Variants in YES1 observed in about 807,000 individuals in gnomAD.
YES1 encodes the protein YES proto-oncogene 1, Src family tyrosine kinase, also known as tyrosine-protein kinase Yes.
Under a neutral mutation model 70.4 loss-of-function variants are expected in YES1, and 39 were observed. That is an observed-to-expected ratio of 0.55 (90% CI 0.43 to 0.72). The LOEUF (loss-of-function observed/expected upper bound fraction) is 0.72. Ranked by LOEUF, YES1 falls within the 30% of genes least tolerant of loss-of-function variation. YES1 has a pLI of 0.00. For missense variants in YES1, 495 were observed against 644.8 expected, an observed-to-expected ratio of 0.77 and a Z score of 2.52; for synonymous variants, 198 against 218.6, an observed-to-expected ratio of 0.91 and a Z score of 0.83.
rs370796909 is a variant in YES1 at position 724,580 on chromosome 18, C to G, written c.1476G>C (p.Pro492=). Residue 492 remains proline, a synonymous_variant, in exon 12 of 12, where the codon CCG becomes CCC. Coordinates refer to ENST00000314574, the MANE Select transcript of YES1 (RefSeq NM_005433.4). The part of the protein sequence containing the change: ...LEQVERGYRM[P]CPQGCPESLH... The stretch of plus-strand genomic sequence containing the variant: ...GGGATTCTGGACAGCCCTGAGGGCA[C>G]GGCATCCTGTATCCTCGCTCCACTT... 1 of 1,614,136 alleles carries G rather than the reference C, an allele frequency of 6.2e-7. No homozygotes were observed.
chr18:752,353 G>A (rs2080353782), intron 2 of YES1, among the ~76,000 whole-genome samples: 2 of 152,054 alleles, frequency 1.3e-5, no homozygotes, highest in Admixed American at 6.6e-5. Context: ...CAAGTGATTC[G>A]CCTGCCTTGA....
intron 1 of YES1, among the ~76,000 whole-genome samples, chr18:783,151 A>T (rs375966690): frequency 3.9e-5 from 6 of 152,136 alleles, no homozygotes; most frequent in Admixed American, 3.9e-4. Context: ...TCAGGAGGCC[A>T]AGGCAGAGGA....
chr18:794,062 T>C (rs1004952611), intron 1 of YES1, among the ~76,000 whole-genome samples: 7 of 152,200 alleles, frequency 4.6e-5, no homozygotes, highest in South Asian at 2.1e-4. Flanking sequence ...GAATCATCAA[T>C]GGAAGCAAAA....
chr18:742,884 C>T (rs773323129), intron 8 of YES1, 34 bp downstream of exon 8: 14 of 1,497,974 alleles, frequency 9.3e-6, no homozygotes, highest in African/African-American at 1.4e-5. Flanking sequence ...AAAACATTAT[C>T]AACACAAATA....
intron 1 of YES1, among the ~76,000 whole-genome samples, chr18:792,545 CTCTCTCTCT>C (rs1906308053): frequency 7.8e-6 from 1 of 128,498 alleles, no homozygotes; most frequent in Admixed American, 8.0e-5. Context: ...CTCTCTCTCT[CTCTCTCTCT>C]CCCTCTGTAT....
chr18:739,781 T>G lies in YES1; in HGVS notation c.1091A>C (p.Asp364Ala), dbSNP rs570496446. 1.2e-6 allele frequency: 2 copies of G among 1,612,352 alleles called. No individual in the cohort carries two copies. The highest frequency in any genetic ancestry group is 2.7e-5 in the African/African-American group (2 of 74,996). Residue 364 changes from aspartate to alanine, a missense_variant, in exon 9 of 12, where the codon GAT becomes GCT. Around this residue, in one of 2 missense-constraint regions of YES1, gnomAD observed 385 missense variants for 540.9 expected, o/e 0.71. Transcript: ENST00000314574. ...CTGTGGAAGCTTCAAATACTTTCCA[T>G]CTCCTTCCTTAAGGAAATCTAATAA... ...GSLLDFLKEG[D>A]GKYLKLPQLV...
At chr18:743,218 A>G in intron 7 of YES1, 42 bp downstream of exon 7, 1 of 1,588,304 alleles carries the variant, frequency 6.3e-7, no homozygotes, top group Non-Finnish European at 8.6e-7. Flanking sequence ...ACTTTAATCC[A>G]CAGCTAAACA....
chr18:724,375 A>C lies in YES1; in HGVS notation c.*49T>G, dbSNP rs748017548. The C allele has an allele frequency of 2.3e-5, 34 of 1,505,812 alleles. No homozygotes were observed. Among genetic ancestry groups the C allele is most frequent in the Non-Finnish European group, 3.7e-6 (4 of 1,092,390 alleles). The allele number at this position is 1,505,812 out of a possible 1,614,324, so 93.3% of individuals were successfully genotyped here. On this transcript the variant is annotated 3_prime_UTR_variant, in exon 12 of 12. Coordinates refer to ENST00000314574, the MANE Select transcript of YES1 (RefSeq NM_005433.4). Reference sequence around the variant, plus strand: ...TTGATTCCTGTAGAAAATCTACACAAGTTCTTTATATTTTGGCAGATTTGT... The same window carrying C: ...TTGATTCCTGTAGAAAATCTACACACGTTCTTTATATTTTGGCAGATTTGT...
At chr18:791,479 T>C (rs1347593416) in intron 1 of YES1, among the ~76,000 whole-genome samples, 3 of 152,040 alleles carry the variant, frequency 2.0e-5, no homozygotes, top group Non-Finnish European at 4.4e-5. Context: ...CCCTTAAAGA[T>C]GAGGAAACTA....
intron 1 of YES1, among the ~76,000 whole-genome samples, chr18:810,276 T>G (rs1032192707): frequency 3.3e-5 from 5 of 152,214 alleles, no homozygotes; most frequent in African/African-American, 1.2e-4. Context: ...TTTAGCACAT[T>G]TATTCTTTTA....
chr18:735,859 T>C (rs1868254092), intron 10 of YES1: 1 of 151,714 alleles, frequency 6.6e-6, no homozygotes, highest in Admixed American at 6.6e-5. Flanking sequence ...CCCTAAAGAA[T>C]GGTTAGGATT....
intron 11 of YES1, among the ~76,000 whole-genome samples, chr18:729,799 G>C (rs964636405): frequency 6.6e-6 from 1 of 151,722 alleles, no homozygotes; most frequent in African/African-American, 2.4e-5. Context: ...GCTAATTTTT[G>C]TATTTTTAGC....
chr18:792,993 G>A (rs374163689), intron 1 of YES1, among the ~76,000 whole-genome samples: 8 of 150,910 alleles, frequency 5.3e-5, no homozygotes, highest in Admixed American at 6.6e-5. Context: ...CAGCTTAATG[G>A]CAAACAATAG....
At chr18:738,448 T>C (rs1417519074) in intron 9 of YES1, 1 of 152,338 alleles carries the variant, frequency 6.6e-6, no homozygotes, top group African/African-American at 2.4e-5. Context: ...CCCAGCACTT[T>C]GGGAGGCCGA....
intron 11 of YES1, among the ~76,000 whole-genome samples, chr18:728,085 C>T (rs967304702): frequency 1.3e-5 from 2 of 152,040 alleles, no homozygotes; most frequent in Middle Eastern, 3.2e-3. Flanking sequence ...CCTGTAATCC[C>T]GGCACTTTGG....
At position 808,001 on chromosome 18, in the gene YES1, G is replaced by C. The variant is rs1472451414; in HGVS notation, c.-9+4113C>G. Reference sequence around the variant, plus strand: ...AAGGGCATTGCTACCCTAGATTTGGGGGGGAAAAGGAGTTGAGGCACAGAG... The same window carrying C: ...AAGGGCATTGCTACCCTAGATTTGGCGGGGAAAAGGAGTTGAGGCACAGAG... On this transcript the variant is annotated intron_variant, in intron 1 of 11. Transcript: ENST00000314574. Among the ~76,000 whole-genome samples the C allele has an allele frequency of 2.6e-5, 4 of 152,200 alleles. No individual in the cohort carries two copies. The South Asian group carries it at 8.3e-4, about 32-fold the overall frequency.
At chr18:775,803 A>AT (rs1905350701) in intron 1 of YES1, among the ~76,000 whole-genome samples, 1 of 152,006 alleles carries the variant, frequency 6.6e-6, no homozygotes, top group African/African-American at 2.4e-5. Flanking sequence ...CCTCAAATAA[A>AT]TTAAAAAAAA....
Position 732,917 on chromosome 18 carries a change from C to T in YES1, c.1340G>A (p.Gly447Asp). ...GACATCAGACTTTATTGTAAACCGA[C>T]CATACAGTGCAGCTTCAGGAGCTGT... Reference protein sequence around the residue: ...KWTAPEAALYGRFTIKSDVWS... With the variant: ...KWTAPEAALYDRFTIKSDVWS... The change falls in exon 11 of 12, where the codon GGT becomes GAT. Residue 447 changes from glycine (G) to aspartate (D), a missense_variant. Gly to Asp is a moderately conservative substitution (Grantham distance 94). Transcript: ENST00000314574. 1 of 1,614,144 alleles carries T rather than the reference C, an allele frequency of 6.2e-7. No individual in the cohort carries two copies. The highest frequency in any genetic ancestry group is 8.5e-7 in the Non-Finnish European group (1 of 1,180,028).
chr18:771,525 C>T (rs543072194), intron 1 of YES1, among the ~76,000 whole-genome samples: 6 of 152,104 alleles, frequency 3.9e-5, no homozygotes, highest in African/African-American at 7.2e-5. Flanking sequence ...TAAACCACTC[C>T]GTGGCATTTT....
Sources: allele counts gnomAD v4.1 joint callset (sites outside exome capture counted in the v4.1 genomes callset), GRCh38; gene constraint gnomAD v4.1.1; regional missense constraint gnomAD v4.1.1; transcripts MANE v1.5; gene names NCBI Gene and HGNC (gene_info 2026-07-23, HGNC 2026-07-21).